CUX1: variants seen among roughly 807,000 people sequenced by gnomAD.
CUX1 encodes cut like homeobox 1.
In CUX1, 31 loss-of-function variants were observed where a neutral mutation model predicts 158.8. The observed-to-expected ratio is 0.20, with a 90% confidence interval of 0.15 to 0.26. The LOEUF (loss-of-function observed/expected upper bound fraction) is 0.26, where lower values mean the gene tolerates loss of function less well. Ranked by LOEUF, CUX1 falls within the 10% of genes least tolerant of loss-of-function variation. The probability of loss-of-function intolerance (pLI) is 1.00; values close to 1 mark genes in which losing one functional copy is unlikely to be tolerated. For synonymous variants in CUX1, 879 were observed against 862.1 expected, an observed-to-expected ratio of 1.02 and a Z score of -0.34; for missense variants, 1,589 against 2,014.6, an observed-to-expected ratio of 0.79 and a Z score of 4.04.
intron 2 of CUX1, among the ~76,000 whole-genome samples, chr7:101,982,848 T>G: frequency 6.6e-6 from 1 of 151,424 alleles, no homozygotes; most frequent in Non-Finnish European, 1.5e-5. Context: ...ATTAGGTATA[T>G]CTCCTAATGC....
At chr7:102,194,529 G>C (rs1265246752) in intron 13 of CUX1, among the ~76,000 whole-genome samples, 1 of 151,746 alleles carries the variant, frequency 6.6e-6, no homozygotes, top group African/African-American at 2.4e-5. Context: ...GAGCCCAGTA[G>C]TTCAAGGCTA....
At chr7:102,053,500 A>G (rs192863824) in intron 3 of CUX1, among the ~76,000 whole-genome samples, 9 of 152,214 alleles carry the variant, frequency 5.9e-5, no homozygotes, top group Admixed American at 1.3e-4. Flanking sequence ...ATTGACTGTA[A>G]TCACCCTGTC....
In CUX1 at chr7:101,882,440, T is replaced by A. The variant is rs115704172; in HGVS notation, c.31-33675T>A. On this transcript the variant is annotated intron_variant, in intron 1 of 23. Transcript: ENST00000292535. ...CCTGGAATTGAAATAAAATGAAAAT[T>A]TGTGATGACGATCAGCTACTGTCAG... Among the ~76,000 whole-genome samples, 1,188 of 152,200 alleles carry A rather than the reference T, an allele frequency of 7.8e-3. 19 individuals are homozygous for A. The highest frequency in any genetic ancestry group is 0.027 in the African/African-American group (1,139 of 41,508).
rs1322181408 is a variant in CUX1, at chr7:102,070,226, G to A, written c.190-113G>A. On this transcript the variant is annotated intron_variant, in intron 3 of 23. Coordinates refer to ENST00000292535, the MANE Select transcript of CUX1 (RefSeq NM_181552.4). Reference sequence around the variant, plus strand: ...TCCTCTAAGAGGCTGAAGCCCAGTTGTCAAGCATCTCCCTTGCTACGGGAA... The same window carrying A: ...TCCTCTAAGAGGCTGAAGCCCAGTTATCAAGCATCTCCCTTGCTACGGGAA... 5 of 854,650 alleles carry A rather than the reference G, an allele frequency of 5.9e-6. No homozygotes were observed. In the African/African-American group the frequency reaches 8.5e-5, roughly 15 times the overall value. The allele number at this position is 854,650 out of a possible 1,614,324, so 52.9% of individuals were successfully genotyped here.
chr7:102,161,211 G>A (rs190093249), intron 9 of CUX1: 10 of 152,268 alleles, frequency 6.6e-5, no homozygotes, highest in African/African-American at 1.7e-4. Context: ...TTAGCTGGGC[G>A]TGGCAGTGTG....
At chr7:102,003,324 A>ACC (rs1816930664) in intron 2 of CUX1, among the ~76,000 whole-genome samples, 1 of 149,268 alleles carries the variant, frequency 6.7e-6, no homozygotes, top group African/African-American at 2.5e-5. Flanking sequence ...ACACACACAC[A>ACC]CACACACACA....
intron 8 of CUX1, among the ~76,000 whole-genome samples, chr7:102,123,689 G>T (rs782651856): frequency 4.0e-5 from 6 of 151,566 alleles, no homozygotes; most frequent in Non-Finnish European, 7.4e-5. Context: ...TTGAGACAGG[G>T]TCTCACTCTG....
intron 2 of CUX1, among the ~76,000 whole-genome samples, chr7:102,027,590 G>A (rs1820197846): frequency 6.6e-6 from 1 of 152,168 alleles, no homozygotes; most frequent in South Asian, 2.1e-4. Flanking sequence ...GCCAGGTGCG[G>A]TGGCTCACAC....
intron 8 of CUX1, among the ~76,000 whole-genome samples, chr7:102,143,377 A>T (rs1423815959): frequency 7.9e-5 from 12 of 151,822 alleles, no homozygotes; most frequent in African/African-American, 2.9e-4. Flanking sequence ...CAAACGATCC[A>T]CCCACATCAG....
At chr7:101,932,451 T>C (rs774905150) in intron 2 of CUX1, 11 of 398,020 alleles carry the variant, frequency 2.8e-5, no homozygotes, top group Non-Finnish European at 5.1e-5. Flanking sequence ...TTTTGCACTT[T>C]TGCATTTTAA....
chr7:102,231,174 C>T lies in CUX1; in HGVS notation c.3434-2878C>T, dbSNP rs1016497776. 3.3e-5 allele frequency among the ~76,000 whole-genome samples: 5 copies of T among 151,834 alleles called. No homozygotes were observed. In the East Asian group the frequency reaches 5.8e-4, roughly 18 times the overall value. On this transcript the variant is annotated intron_variant, in intron 21 of 23. Coordinates refer to ENST00000292535, the MANE Select transcript of CUX1 (RefSeq NM_181552.4). ...CCTCCCAAGTAGCTGGGACTACAGG[C>T]GCCCACCACCATGCCCGGCTAATTT...
intron 2 of CUX1, among the ~76,000 whole-genome samples, chr7:102,011,157 T>C (rs1250043939): frequency 6.6e-6 from 1 of 151,978 alleles, no homozygotes; most frequent in Non-Finnish European, 1.5e-5. Context: ...TTATTGACGG[T>C]CTCTTTGTTC....
intron 6 of CUX1, among the ~76,000 whole-genome samples, chr7:102,110,096 C>T: frequency 6.6e-6 from 1 of 152,172 alleles, no homozygotes; most frequent in East Asian, 1.9e-4. Flanking sequence ...ATTAAAAGAA[C>T]AGGGCAGGGA....
intron 8 of CUX1, among the ~76,000 whole-genome samples, chr7:102,122,892 A>G (rs901711796): frequency 6.6e-6 from 1 of 152,132 alleles, no homozygotes; most frequent in Non-Finnish European, 1.5e-5. Context: ...CGTCACATGC[A>G]CACACACAGG....
intron 2 of CUX1, among the ~76,000 whole-genome samples, chr7:102,018,739 C>T (rs1282398305): frequency 3.9e-5 from 2 of 51,718 alleles, no homozygotes; most frequent in Non-Finnish European, 1.0e-4. Flanking sequence ...AGCTTGAGTG[C>T]GTGCGTGCGT....
chr7:101,957,065 G>A (rs570174274), intron 2 of CUX1, among the ~76,000 whole-genome samples: 7 of 152,232 alleles, frequency 4.6e-5, no homozygotes, highest in Non-Finnish European at 7.4e-5. Context: ...ATAGAGGAAC[G>A]GCTAAATGAT....
At chr7:101,835,225 C>T (rs1028017013) in intron 1 of CUX1, among the ~76,000 whole-genome samples, 4 of 152,130 alleles carry the variant, frequency 2.6e-5, no homozygotes, top group African/African-American at 7.2e-5. Context: ...TGCCTCCATG[C>T]GTCTCGGGAA....
intron 22 of CUX1, among the ~76,000 whole-genome samples, chr7:102,235,848 A>C (rs1429802690): frequency 6.9e-6 from 1 of 144,188 alleles, no homozygotes; most frequent in Non-Finnish European, 1.5e-5. Flanking sequence ...CAGGCCTGTC[A>C]GTTCTTAATT....
intron 3 of CUX1, among the ~76,000 whole-genome samples, chr7:102,061,543 A>G (rs946763074): frequency 6.6e-6 from 1 of 152,174 alleles, no homozygotes; most frequent in Non-Finnish European, 1.5e-5. Context: ...TTGCAGATGA[A>G]AAAACTGAGG....
Sources: gnomAD v4.1 joint callset for allele counts (sites outside exome capture counted in the v4.1 genomes callset) on GRCh38, gnomAD v4.1.1 for gene constraint, MANE v1.5 for transcripts, NCBI Gene and HGNC (gene_info 2026-07-23, HGNC 2026-07-21) for gene names.